Variants in HS3ST5 observed in about 807,000 individuals in gnomAD.
HS3ST5 encodes the protein heparan sulfate-glucosamine 3-sulfotransferase 5.
Under a neutral mutation model 25.4 loss-of-function variants are expected in HS3ST5, and 10 were observed. The observed-to-expected ratio is 0.39, with a 90% CI of 0.24 to 0.67. The LOEUF is 0.67. Among genes scored for constraint, HS3ST5 ranks in the 30% least tolerant of loss-of-function variants. The pLI, the probability that HS3ST5 is intolerant of heterozygous loss-of-function variation, is 0.44. For synonymous variants in HS3ST5, 170 were observed against 162.4 expected (o/e 1.05, Z -0.36); for missense variants, 324 against 420.7 (o/e 0.77, Z 2.01).
chr6:114,255,161 G>C (rs1017968647), intron 1 of HS3ST5, among the ~76,000 whole-genome samples: 1 of 152,176 alleles, frequency 6.6e-6, no homozygotes, highest in South Asian at 2.1e-4. Flanking sequence ...TTTTAAATGG[G>C]AGAAATTGGC....
At chr6:114,096,287 G>T (rs572903493) in intron 3 of HS3ST5, among the ~76,000 whole-genome samples, 1 of 152,262 alleles carries the variant, frequency 6.6e-6, no homozygotes, top group East Asian at 1.9e-4. Context: ...GGCTGCCTCA[G>T]TGATAATGCA....
At chr6:114,061,689 C>T (rs1464170960) in intron 4 of HS3ST5, among the ~76,000 whole-genome samples, 3 of 152,192 alleles carry the variant, frequency 2.0e-5, no homozygotes, top group African/African-American at 4.8e-5. Context: ...GTGGTTCACA[C>T]CTGTAATCCC....
At chr6:114,290,747 G>C (rs890112015) in intron 1 of HS3ST5, among the ~76,000 whole-genome samples, 2 of 151,784 alleles carry the variant, frequency 1.3e-5, no homozygotes, top group Non-Finnish European at 2.9e-5. Context: ...CAATTACTAG[G>C]TGCCACTTGT....
chr6:114,079,983 G>A (rs1216422397), intron 3 of HS3ST5, among the ~76,000 whole-genome samples: 3 of 151,990 alleles, frequency 2.0e-5, no homozygotes, highest in African/African-American at 7.2e-5. Context: ...CTCCATGTTG[G>A]TCAGGCTGGT....
At chr6:114,090,083 G>A (rs1775043991) in intron 3 of HS3ST5, among the ~76,000 whole-genome samples, 2 of 152,174 alleles carry the variant, frequency 1.3e-5, no homozygotes, top group South Asian at 4.1e-4. Context: ...TTTATTTAAA[G>A]CTTGAAGATT....
chr6:114,310,932 T>C (rs1211054645), intron 1 of HS3ST5, among the ~76,000 whole-genome samples: 1 of 152,226 alleles, frequency 6.6e-6, no homozygotes, highest in Admixed American at 6.5e-5. Context: ...TTCCAGATTA[T>C]AAATGTTCCA....
At chr6:114,064,755 T>C (rs1350950271) in intron 3 of HS3ST5, among the ~76,000 whole-genome samples, 9 of 152,156 alleles carry the variant, frequency 5.9e-5, no homozygotes, top group African/African-American at 2.2e-4. Flanking sequence ...TTGTATTCAA[T>C]ATGACAAAGG....
At chr6:114,221,550 A>T (rs983062996) in intron 2 of HS3ST5, among the ~76,000 whole-genome samples, 1 of 151,834 alleles carries the variant, frequency 6.6e-6, no homozygotes, top group Non-Finnish European at 1.5e-5. Context: ...ATACTATAAT[A>T]GTTTAAAATT....
intron 1 of HS3ST5, among the ~76,000 whole-genome samples, chr6:114,253,761 T>C (rs889758651): frequency 5.9e-5 from 9 of 152,224 alleles, no homozygotes; most frequent in Non-Finnish European, 1.3e-4. Flanking sequence ...ATTGAATGCA[T>C]GGTGAGATAG....
intron 1 of HS3ST5, among the ~76,000 whole-genome samples, chr6:114,326,371 CAG>C (rs979935758): frequency 2.0e-5 from 3 of 151,966 alleles, no homozygotes; most frequent in African/African-American, 7.3e-5. Context: ...GCCTGGGTGA[CAG>C]AGTGAGACTC....
chr6:114,186,414 A>G (rs180783708), intron 2 of HS3ST5, among the ~76,000 whole-genome samples: 220 of 152,314 alleles, frequency 1.4e-3, no homozygotes, highest in African/African-American at 4.8e-3. Flanking sequence ...AGTTTGATTT[A>G]GTCAGGAGAG....
intron 3 of HS3ST5, among the ~76,000 whole-genome samples, chr6:114,109,300 T>C (rs1776147621): frequency 6.6e-6 from 1 of 152,106 alleles, no homozygotes; most frequent in African/African-American, 2.4e-5. Flanking sequence ...ATTTATGTAT[T>C]ATTTTTTCAT....
chr6:114,094,926 A>G (rs892690905), intron 3 of HS3ST5, among the ~76,000 whole-genome samples: 1 of 152,128 alleles, frequency 6.6e-6, no homozygotes, highest in Non-Finnish European at 1.5e-5. Flanking sequence ...GCTGTCATGA[A>G]CCTTCAGCTG....
Position 114,269,597 on chromosome 6 carries a change from C to G in HS3ST5, c.-338-40819G>C, listed in dbSNP as rs550340747. Among the ~76,000 whole-genome samples, 101 of 152,242 alleles carry G rather than the reference C, an allele frequency of 6.6e-4. 2 individuals are homozygous for G. Among genetic ancestry groups the G allele is most frequent in the Non-Finnish European group, 2.1e-4 (14 of 68,008 alleles). On this transcript the variant is annotated intron_variant, in intron 1 of 4. Coordinates refer to ENST00000312719, the MANE Select transcript of HS3ST5 (RefSeq NM_153612.4). ...CACCATATGGCATCATAAGCTCATT[C>G]CCAACATACTCAATTTTCTCTGGTG...
At chr6:114,322,967 C>T (rs1029149573) in intron 1 of HS3ST5, among the ~76,000 whole-genome samples, 2 of 152,110 alleles carry the variant, frequency 1.3e-5, no homozygotes, top group Non-Finnish European at 2.9e-5. Flanking sequence ...CATTTAGAGC[C>T]AGTGTGTCCT....
intron 1 of HS3ST5, among the ~76,000 whole-genome samples, chr6:114,279,149 TA>T (rs59370388): frequency 6.6e-6 from 1 of 151,978 alleles, no homozygotes; most frequent in Non-Finnish European, 1.5e-5. Flanking sequence ...TCGTATTTTT[TA>T]AAAAAAATCA....
chr6:114,227,816 A>G (rs1426606450), intron 2 of HS3ST5, among the ~76,000 whole-genome samples: 1 of 152,114 alleles, frequency 6.6e-6, no homozygotes, highest in East Asian at 1.9e-4. Context: ...CAATAACCCT[A>G]AATATCTAAA....
chr6:114,226,464 G>T (rs1771294493), intron 2 of HS3ST5, among the ~76,000 whole-genome samples: 1 of 151,836 alleles, frequency 6.6e-6, no homozygotes, highest in Non-Finnish European at 1.5e-5. Context: ...AATCATTATT[G>T]AAAAACACCC....
chr6:114,100,568 G>C (rs1344498782), intron 3 of HS3ST5, among the ~76,000 whole-genome samples: 2 of 152,138 alleles, frequency 1.3e-5, no homozygotes, highest in African/African-American at 4.8e-5. Flanking sequence ...CTTGAGGCAG[G>C]CCATTTGCCG....
Sources: gnomAD v4.1 joint callset for allele counts (sites outside exome capture counted in the v4.1 genomes callset) on GRCh38, gnomAD v4.1.1 for gene constraint, MANE v1.5 for transcripts, NCBI Gene and HGNC (gene_info 2026-07-23, HGNC 2026-07-21) for gene names.